Variants in CYB5R4 observed in about 807,000 individuals in gnomAD.
The protein encoded by CYB5R4 is cytochrome b5 reductase 4.
Under a neutral mutation model 70.2 loss-of-function variants are expected in CYB5R4, and 55 were observed. That is an observed-to-expected ratio of 0.78 (90% CI 0.63 to 0.98). CYB5R4 has a LOEUF of 0.98. Among genes scored for constraint, CYB5R4 ranks in the 50% least tolerant of loss-of-function variants. The pLI is 0.00. For missense variants in CYB5R4, 562 were observed against 612.6 expected, an observed-to-expected ratio of 0.92 and a Z score of 0.87; for synonymous variants, 197 against 199.5, an observed-to-expected ratio of 0.99 and a Z score of 0.11.
At chr6:83,863,839 A>G (rs1030119046) in intron 1 of CYB5R4, among the ~76,000 whole-genome samples, 2 of 152,220 alleles carry the variant, frequency 1.3e-5, no homozygotes, top group South Asian at 2.1e-4. Context: ...TTTAAAGTAT[A>G]TGTGAGAATG....
Position 83,864,117 on chromosome 6 carries a change from T to C in CYB5R4, c.76-58T>C, listed in dbSNP as rs572029965. ...TGTTAGATTTGAGTTTTATTATCTT[T>C]TAAAATGGAATTAAAAGTAATGAAG... On this transcript the variant is annotated intron_variant, in intron 1 of 15. Coordinates refer to ENST00000369681, the MANE Select transcript of CYB5R4 (RefSeq NM_016230.4). 3.6e-4 allele frequency: 526 copies of C among 1,442,954 alleles called. 5 individuals carry two copies. The South Asian group carries it at 7.1e-3, about 20-fold the overall frequency. The allele number at this position is 1,442,954 out of a possible 1,614,324, so 89.4% of individuals were successfully genotyped here. A position where few individuals can be genotyped will look rare whatever the true frequency, so the allele number is the denominator to read the frequency against.
rs745968531 is a variant in CYB5R4, at chr6:83,859,737, C to G, written c.-46C>G. ...AGAGCCGGAGCTGGAGGTGCTGTCC[C>G]GTCTGGCGGCGATCCCCGGGCAGGG... On this transcript the variant is annotated 5_prime_UTR_variant, in exon 1 of 16. Coordinates refer to ENST00000369681, the MANE Select transcript of CYB5R4 (RefSeq NM_016230.4). 5 of 1,599,038 alleles carry G rather than the reference C, an allele frequency of 3.1e-6. No individual in the cohort carries two copies. The highest frequency in any genetic ancestry group is 4.3e-6 in the Non-Finnish European group (5 of 1,169,844).
chr6:83,875,108 A>G (rs949783303), intron 2 of CYB5R4, among the ~76,000 whole-genome samples: 1 of 152,144 alleles, frequency 6.6e-6, no homozygotes, highest in African/African-American at 2.4e-5. Flanking sequence ...GGCGTGAGCC[A>G]CTGTGCCCGG....
In CYB5R4 at chr6:83,922,180, G is replaced by A. The variant is rs1023979834; in HGVS notation, c.659-258G>A. Among the ~76,000 whole-genome samples, 3 of 152,162 alleles carry A rather than the reference G, an allele frequency of 2.0e-5. No homozygotes were observed. The South Asian group carries it at 6.2e-4, about 32-fold the overall frequency. ...TCTGGAACCATCCATGCTTGGACTA[G>A]CGTGGGTTACCCATTTATGGGCAAT... On this transcript the variant is annotated intron_variant, in intron 8 of 15. Transcript: ENST00000369681.
At chr6:83,922,329 C>T (rs2099466512) in intron 8 of CYB5R4, 109 bp from the exon 9 acceptor site, 2 of 707,436 alleles carry the variant, frequency 2.8e-6, no homozygotes, top group Non-Finnish European at 4.5e-6. Flanking sequence ...CACGTTTTGT[C>T]TTGAGGGATT....
chr6:83,923,632 T>G (rs957715393), intron 9 of CYB5R4, among the ~76,000 whole-genome samples: 1 of 152,146 alleles, frequency 6.6e-6, no homozygotes, highest in Non-Finnish European at 1.5e-5. Flanking sequence ...TGTAAACATT[T>G]TAATTATTCA....
chr6:83,868,184 T>A (rs2099457034), intron 2 of CYB5R4, among the ~76,000 whole-genome samples: 1 of 152,060 alleles, frequency 6.6e-6, no homozygotes, highest in Non-Finnish European at 1.5e-5. Context: ...TTTTTTTCCC[T>A]TTTTTAAAGT....
chr6:83,954,898 G>A (rs111848794), intron 14 of CYB5R4, among the ~76,000 whole-genome samples: 194 of 147,608 alleles, frequency 1.3e-3, no homozygotes, highest in Middle Eastern at 0.011. Flanking sequence ...AGTTTTTTTT[G>A]TTGTTGTTGT....
chr6:83,907,371 GA>G (rs754963769), intron 3 of CYB5R4, among the ~76,000 whole-genome samples: 12 of 152,130 alleles, frequency 7.9e-5, no homozygotes, highest in Non-Finnish European at 1.6e-4. Flanking sequence ...TGAAGCAGTA[GA>G]ATCACTTTGT....
intron 2 of CYB5R4, among the ~76,000 whole-genome samples, chr6:83,891,207 A>G (rs1170232742): frequency 6.6e-6 from 1 of 151,992 alleles, no homozygotes; most frequent in African/African-American, 2.4e-5. Context: ...TCGGCCTCCC[A>G]AGCTACTGGG....
intron 5 of CYB5R4, among the ~76,000 whole-genome samples, chr6:83,917,106 C>G (rs1386338896): frequency 6.6e-6 from 1 of 151,990 alleles, no homozygotes; most frequent in South Asian, 2.1e-4. Flanking sequence ...TTTCTGAAGT[C>G]ATTTAAAAAC....
intron 14 of CYB5R4, among the ~76,000 whole-genome samples, chr6:83,946,683 GC>G (rs1322484514): frequency 5.9e-5 from 9 of 152,136 alleles, no homozygotes; most frequent in African/African-American, 1.7e-4. Flanking sequence ...CATCATCTCA[GC>G]CCAAAAACTC....
chr6:83,918,587 A>T (rs1433203558), intron 6 of CYB5R4, among the ~76,000 whole-genome samples: 3 of 152,032 alleles, frequency 2.0e-5, no homozygotes, highest in African/African-American at 7.2e-5. Flanking sequence ...TAATGTATTT[A>T]AATATTCTAT....
At chr6:83,891,779 G>C (rs546259392) in intron 2 of CYB5R4, among the ~76,000 whole-genome samples, 4 of 152,092 alleles carry the variant, frequency 2.6e-5, no homozygotes, top group African/African-American at 9.7e-5. Context: ...CAATGTAAAG[G>C]GCTAGCAGGT....
chr6:83,865,181 CA>C (rs2099456536), intron 2 of CYB5R4, among the ~76,000 whole-genome samples: 1 of 152,158 alleles, frequency 6.6e-6, no homozygotes, highest in Non-Finnish European at 1.5e-5. Context: ...GTGGCTGGCA[CA>C]TAGAGGCCAT....
intron 2 of CYB5R4, among the ~76,000 whole-genome samples, chr6:83,875,668 G>A (rs1297323271): frequency 6.6e-6 from 1 of 152,190 alleles, no homozygotes; most frequent in Non-Finnish European, 1.5e-5. Flanking sequence ...AGAGTAAGAG[G>A]AGGAACGCAT....
At chr6:83,917,206 T>C (rs1343818418) in intron 5 of CYB5R4, among the ~76,000 whole-genome samples, 1 of 151,194 alleles carries the variant, frequency 6.6e-6, no homozygotes, top group Non-Finnish European at 1.5e-5. Flanking sequence ...CCCACAAGAG[T>C]GAGTAAAATG....
intron 3 of CYB5R4, 31 bp from the exon 4 acceptor site, chr6:83,908,978 T>G (rs778643556): frequency 2.5e-6 from 4 of 1,585,948 alleles, no homozygotes; most frequent in Non-Finnish European, 3.5e-6. Flanking sequence ...GTTAGTCATG[T>G]TGCTTTTCCA....
chr6:83,924,727 G>A (rs752643065), intron 10 of CYB5R4, 135 bp downstream of exon 10: 24 of 877,212 alleles, frequency 2.7e-5, no homozygotes, highest in Non-Finnish European at 4.1e-5. Context: ...AAGTTTGAAA[G>A]GGACAATGTG....
Sources: gnomAD v4.1 joint callset for allele counts (sites outside exome capture counted in the v4.1 genomes callset) on GRCh38, gnomAD v4.1.1 for gene constraint, MANE v1.5 for transcripts, NCBI Gene and HGNC (gene_info 2026-07-23, HGNC 2026-07-21) for gene names.